DAB2: variants seen among roughly 807,000 people sequenced by gnomAD.
DAB2 encodes the protein DAB adaptor protein 2.
DAB2 carries 28 observed loss-of-function variants against 71.6 expected under a neutral mutation model. That is an observed-to-expected ratio of 0.39 (90% CI 0.29 to 0.54). The LOEUF is 0.54. DAB2 is among the 20% of genes least tolerant of loss of function. The pLI, the probability that DAB2 is intolerant of heterozygous loss-of-function variation, is 0.68. For missense variants in DAB2, 867 were observed against 928.8 expected, an observed-to-expected ratio of 0.93 and a Z score of 0.86; for synonymous variants, 345 against 339.7, an observed-to-expected ratio of 1.02 and a Z score of -0.17.
chr5:39,376,179 A>C, intron 12 of DAB2, 73 bp from the exon 13 acceptor site: 1 of 1,202,556 alleles, frequency 8.3e-7, no homozygotes, highest in Non-Finnish European at 1.2e-6. Flanking sequence ...GAGTCAGCTT[A>C]TTTTTGAAGT....
intron 4 of DAB2, among the ~76,000 whole-genome samples, chr5:39,391,488 T>C (rs1755226520): frequency 6.6e-6 from 1 of 152,140 alleles, no homozygotes; most frequent in African/African-American, 2.4e-5. Context: ...ACTAGCAGGC[T>C]GAGTGGGGTC....
At chr5:39,407,486 C>A (rs972362380) in intron 1 of DAB2, among the ~76,000 whole-genome samples, 9 of 152,212 alleles carry the variant, frequency 5.9e-5, no homozygotes, top group Non-Finnish European at 1.3e-4. Context: ...CAGGCGTGAG[C>A]CACCATGCCC....
rs1308601376 is a variant in DAB2, at chr5:39,390,521, T to A, written c.385A>T (p.Thr129Ser). The change falls in exon 5 of 15, where the codon ACA becomes TCA. Residue 129 changes from threonine (T) to serine (S), a missense_variant. Thr to Ser is a moderately conservative substitution (Grantham distance 58). This residue lies in a region of DAB2 where 127 missense variants were observed against 194.4 expected (regional missense o/e 0.65). Coordinates refer to ENST00000320816, the MANE Select transcript of DAB2 (RefSeq NM_001343.4). Reference protein sequence around the residue: ...NKISFIARDVTDNRAFGYVCG... With the variant: ...NKISFIARDVSDNRAFGYVCG... The stretch of plus-strand genomic sequence containing the variant: ...ACGTAACCAAATGCCCGGTTGTCTG[T>A]CACATCACGGGCAATGAAAGAAATC... 6.2e-7 allele frequency: 1 copy of A among 1,613,900 alleles called. No individual in the cohort carries two copies.
At chr5:39,386,651 ATGT>A (rs1311391536) in intron 9 of DAB2, among the ~76,000 whole-genome samples, 1 of 152,218 alleles carries the variant, frequency 6.6e-6, no homozygotes, top group Non-Finnish European at 1.5e-5. Flanking sequence ...AAGATTATCC[ATGT>A]TGTTTTCCAT....
Position 39,375,959 on chromosome 5 carries a change from T to G in DAB2, c.2247+38A>C, listed in dbSNP as rs1167301330. ...CAGGAGGCTGGAGCTCTATGTGGCA[T>G]GTACTTTGGAGAAGAGCTTCTAGTA... is the stretch of plus-strand genomic sequence containing the variant. On this transcript the variant is annotated intron_variant, in intron 13 of 14. Coordinates refer to ENST00000320816, the MANE Select transcript of DAB2 (RefSeq NM_001343.4). 3.4e-6 allele frequency: 5 copies of G among 1,462,774 alleles called. No individual in the cohort carries two copies. The Middle Eastern group carries it at 6.9e-4, about 203-fold the overall frequency. 90.6% of individuals were successfully genotyped at this position (1,462,774 alleles called of 1,614,324 possible).
intron 1 of DAB2, among the ~76,000 whole-genome samples, chr5:39,404,025 A>C (rs1239010354): frequency 6.6e-6 from 1 of 151,936 alleles, no homozygotes; most frequent in East Asian, 1.9e-4. Context: ...CCAGTCTATC[A>C]TTGTTGGACA....
At chr5:39,376,132 C>T in intron 12 of DAB2, 26 bp from the exon 13 acceptor site, 1 of 1,583,250 alleles carries the variant, frequency 6.3e-7, no homozygotes, top group Non-Finnish European at 8.7e-7. Context: ...TCCAGGCAAT[C>T]AGTAGACAAG....
At chr5:39,406,963 T>G (rs1028953281) in intron 1 of DAB2, among the ~76,000 whole-genome samples, 3 of 152,216 alleles carry the variant, frequency 2.0e-5, no homozygotes, top group African/African-American at 7.2e-5. Flanking sequence ...AGTAAATGCA[T>G]GAGTTTTACT....
At chr5:39,418,898 G>A (rs549716351) in intron 1 of DAB2, among the ~76,000 whole-genome samples, 1 of 152,274 alleles carries the variant, frequency 6.6e-6, no homozygotes, top group East Asian at 1.9e-4. Flanking sequence ...TTTTAAAATC[G>A]AGGCAACTCA....
intron 1 of DAB2, among the ~76,000 whole-genome samples, chr5:39,411,950 G>A (rs1158568655): frequency 6.6e-6 from 1 of 152,104 alleles, no homozygotes; most frequent in Non-Finnish European, 1.5e-5. Context: ...ACACTACCAA[G>A]TTTGCATAGT....
rs368622488 is a variant in DAB2 at position 39,408,197 on chromosome 5, C to T, written c.-101-13776G>A. On this transcript the variant is annotated intron_variant, in intron 1 of 14. Transcript: ENST00000320816. ...TCAGCACAGAGCAAACTAGGGTGTA[C>T]ATAGTGATTGTATACAGACAGGTGG... 2.6e-5 allele frequency among the ~76,000 whole-genome samples: 4 copies of T among 152,340 alleles called. No individual in the cohort carries two copies. The East Asian group carries it at 7.7e-4, about 29-fold the overall frequency.
chr5:39,417,712 C>A (rs1403864634), intron 1 of DAB2: 1 of 152,274 alleles, frequency 6.6e-6, no homozygotes, highest in Admixed American at 6.5e-5. Flanking sequence ...AATATTTGCA[C>A]CCAACTTTCA....
chr5:39,421,886 G>A (rs1379260682), intron 1 of DAB2, among the ~76,000 whole-genome samples: 4 of 139,508 alleles, frequency 2.9e-5, no homozygotes, highest in Middle Eastern at 3.6e-3. Flanking sequence ...GTGAAACCCC[G>A]TCTCTACTAC....
chr5:39,385,269 A>C (rs147211331), intron 9 of DAB2: 1 of 152,304 alleles, frequency 6.6e-6, no homozygotes, highest in East Asian at 1.9e-4. Flanking sequence ...ATGTATTACA[A>C]AAGCTTGTGA....
chr5:39,396,547 G>T (rs1301613544), intron 1 of DAB2, among the ~76,000 whole-genome samples: 1 of 152,160 alleles, frequency 6.6e-6, no homozygotes, highest in African/African-American at 2.4e-5. Flanking sequence ...TGCTTGTTAT[G>T]TGTATACACT....
rs1755302509 is a variant in DAB2, at chr5:39,394,234, C to CT, written c.86dup (p.Lys30GlufsTer4). ...TTCAAGTGGATTTCTCCATACCTTTCTTTTTTTCCTTCTTTGAGGGTGCTT... is the reference window on the plus strand; with the variant it reads ...TTCAAGTGGATTTCTCCATACCTTTCTTTTTTTTCCTTCTTTGAGGGTGCTT... On this transcript the variant is annotated frameshift_variant, in exon 2 of 15. Coordinates refer to ENST00000320816, the MANE Select transcript of DAB2 (RefSeq NM_001343.4). LOFTEE classifies it high-confidence loss of function. The CT allele has an allele frequency of 6.2e-7, 1 of 1,613,756 alleles. No individual in the cohort carries two copies. Among genetic ancestry groups the CT allele is most frequent in the Non-Finnish European group, 8.5e-7 (1 of 1,179,734 alleles).
At chr5:39,381,326 A>G in intron 11 of DAB2, 128 bp downstream of exon 11, 1 of 925,416 alleles carries the variant, frequency 1.1e-6, no homozygotes, top group South Asian at 1.8e-5. Context: ...AAGTGGGAGA[A>G]GGGCTCCCTG....
chr5:39,390,041 G>A (rs780140927), intron 5 of DAB2, 109 bp from the exon 6 acceptor site: 12 of 767,022 alleles, frequency 1.6e-5, no homozygotes, highest in Admixed American at 6.4e-5. Flanking sequence ...ATCTTAAAAC[G>A]CCTTACTACC....
intron 1 of DAB2, among the ~76,000 whole-genome samples, chr5:39,421,778 G>A (rs897936189): frequency 8.6e-5 from 13 of 151,934 alleles, no homozygotes; most frequent in African/African-American, 3.1e-4. Flanking sequence ...TCATCTGGCC[G>A]GGTGTGGTGG....
Sources: allele counts gnomAD v4.1 joint callset (sites outside exome capture counted in the v4.1 genomes callset), GRCh38; gene constraint gnomAD v4.1.1; regional missense constraint gnomAD v4.1.1; transcripts MANE v1.5; gene names NCBI Gene and HGNC (gene_info 2026-07-23, HGNC 2026-07-21).